The following ZNF385D variants were observed in gnomAD, a reference collection of about 807,000 sequenced individuals.
ZNF385D encodes the protein zinc finger protein 385D.
In ZNF385D, 15 loss-of-function variants were observed where a neutral mutation model predicts 35.8. The ratio of observed to expected loss-of-function variants is 0.42; its 90% confidence interval spans 0.28 to 0.64. The LOEUF is 0.64. Ranked by LOEUF, ZNF385D falls within the 30% of genes least tolerant of loss-of-function variation. The probability of loss-of-function intolerance (pLI) is 0.23; values close to 1 mark genes in which losing one functional copy is unlikely to be tolerated. For missense variants in ZNF385D, 474 were observed against 494.6 expected (o/e 0.96, Z 0.39); for synonymous variants, 212 against 186.8 (o/e 1.13, Z -1.10).
At chr3:22,009,281 T>G (rs912591989) in intron 3 of ZNF385D, among the ~76,000 whole-genome samples, 2 of 151,700 alleles carry the variant, frequency 1.3e-5, no homozygotes, top group Non-Finnish European at 2.9e-5. Flanking sequence ...GGAGAATAAA[T>G]TGTGGTATAG....
chr3:21,977,614 C>G (rs1703713838), intron 3 of ZNF385D, among the ~76,000 whole-genome samples: 1 of 151,868 alleles, frequency 6.6e-6, no homozygotes, highest in Non-Finnish European at 1.5e-5. Flanking sequence ...AGGACAGGAG[C>G]TAGAGATGAT....
chr3:21,996,816 A>T (rs975776545), intron 3 of ZNF385D, among the ~76,000 whole-genome samples: 4 of 152,186 alleles, frequency 2.6e-5, no homozygotes, highest in African/African-American at 9.7e-5. Context: ...GGTAAGGAGG[A>T]TTAGCACATT....
At chr3:22,267,817 T>A (rs1559488876) in intron 2 of ZNF385D, among the ~76,000 whole-genome samples, 1 of 151,952 alleles carries the variant, frequency 6.6e-6, no homozygotes, top group Non-Finnish European at 1.5e-5. Context: ...GTATTACCAA[T>A]ATACTCAATG....
chr3:21,612,923 C>A (rs1451235207), intron 2 of ZNF385D, among the ~76,000 whole-genome samples: 5 of 151,838 alleles, frequency 3.3e-5, no homozygotes, highest in Non-Finnish European at 7.4e-5. Flanking sequence ...CACACCCAAT[C>A]TTGAACCCAT....
chr3:21,540,354 A>G (rs996088933), intron 3 of ZNF385D, among the ~76,000 whole-genome samples: 1 of 152,194 alleles, frequency 6.6e-6, no homozygotes, highest in African/African-American at 2.4e-5. Flanking sequence ...ACCATCGACA[A>G]AAGCCTTGAA....
chr3:21,624,807 C>T lies in ZNF385D; in HGVS notation c.165+40079G>A, dbSNP rs768007952. Reference sequence around the variant, plus strand: ...CATCTTATTTCAACTGAAGTCACTCCGCAGCTGCCAAATGTTTTCCTGTTT... The same window carrying T: ...CATCTTATTTCAACTGAAGTCACTCTGCAGCTGCCAAATGTTTTCCTGTTT... On this transcript the variant is annotated intron_variant, in intron 2 of 7. Coordinates refer to ENST00000281523, the MANE Select transcript of ZNF385D (RefSeq NM_024697.3). Among the ~76,000 whole-genome samples, 74 of 152,056 alleles carry T rather than the reference C, an allele frequency of 4.9e-4. 1 individual carries two copies. Among genetic ancestry groups the T allele is most frequent in the Non-Finnish European group, 4.6e-4 (31 of 67,942 alleles).
chr3:21,995,652 C>G (rs375294371), intron 3 of ZNF385D, among the ~76,000 whole-genome samples: 3 of 151,724 alleles, frequency 2.0e-5, no homozygotes, highest in East Asian at 3.9e-4. Context: ...AAGTCCATCC[C>G]CATACCCCCA....
At chr3:21,656,339 T>C (rs990003376) in intron 2 of ZNF385D, among the ~76,000 whole-genome samples, 2 of 151,970 alleles carry the variant, frequency 1.3e-5, no homozygotes, top group Non-Finnish European at 2.9e-5. Context: ...TTCTGGAGGC[T>C]AGAAATCCAA....
chr3:21,974,650 G>C (rs1368951638), intron 3 of ZNF385D, among the ~76,000 whole-genome samples: 2 of 151,962 alleles, frequency 1.3e-5, no homozygotes, highest in Non-Finnish European at 2.9e-5. Context: ...CAGAATGGAA[G>C]TAAATATTTT....
intron 2 of ZNF385D, among the ~76,000 whole-genome samples, chr3:21,581,470 C>CAAAAGAGGTAGGGTGTTGTATTTAT (rs1410455512): frequency 1.3e-5 from 2 of 152,016 alleles, no homozygotes; most frequent in African/African-American, 4.8e-5. Context: ...ACCTAAATTG[C>CAAAAGAGGTAGGGTGTTGTATTTAT]AAAAGAGGTA....
chr3:21,421,058 C>T lies in ZNF385D; in HGVS notation c.*156G>A, dbSNP rs115192716. The T allele has an allele frequency of 4.1e-3, 1,118 of 272,364 alleles. 12 individuals carry two copies. The highest frequency in any genetic ancestry group is 0.024 in the African/African-American group (1,045 of 44,366). The allele number at this position is 272,364 out of a possible 1,614,324, so 16.9% of individuals were successfully genotyped here. ...CTCCCTCCCTCCCACCCCCAAACCT[C>T]CCCCACTTTTTTATAACCTTTTCAA... On this transcript the variant is annotated 3_prime_UTR_variant, in exon 8 of 8. Transcript: ENST00000281523.
At position 22,131,272 on chromosome 3, in the gene ZNF385D, C is replaced by G. The variant is rs539682252; in HGVS notation, c.325+37545G>C. The stretch of plus-strand genomic sequence containing the variant: ...ACAGTCCGGTAAGATGAGGACTGAG[C>G]TGACCTTTGGATTTAGCAGCATGAA... On this transcript the variant is annotated intron_variant, in intron 3 of 5. Transcript: ENST00000494108. Among the ~76,000 whole-genome samples, 549 of 152,074 alleles carry G rather than the reference C, an allele frequency of 3.6e-3. 2 individuals are homozygous for G. The highest frequency in any genetic ancestry group is 6.5e-3 in the Non-Finnish European group (442 of 67,990).
rs991565087 is a variant in ZNF385D, at chr3:21,751,189, C to A, written c.-273G>T. ...CCGACTCCTCCTTGCGATGTCCTTG[C>A]CGCGCCTGTGACATCAGGACTGAGA... On this transcript the variant is annotated 5_prime_UTR_variant, in exon 1 of 8. Coordinates refer to ENST00000281523, the MANE Select transcript of ZNF385D (RefSeq NM_024697.3). 1 of 1,375,630 alleles carries A rather than the reference C, an allele frequency of 7.3e-7. No individual in the cohort carries two copies. Among genetic ancestry groups the A allele is most frequent in the Non-Finnish European group, 9.4e-7 (1 of 1,062,856 alleles). 85.2% of individuals were successfully genotyped at this position (1,375,630 alleles called of 1,614,324 possible).
At chr3:22,146,858 T>A (rs1182934909) in intron 3 of ZNF385D, among the ~76,000 whole-genome samples, 1 of 152,186 alleles carries the variant, frequency 6.6e-6, no homozygotes, top group Non-Finnish European at 1.5e-5. Context: ...CCAATGTGTC[T>A]AAAATTTCTC....
At chr3:22,118,718 T>C (rs1702934809) in intron 3 of ZNF385D, among the ~76,000 whole-genome samples, 1 of 152,114 alleles carries the variant, frequency 6.6e-6, no homozygotes, top group South Asian at 2.1e-4. Flanking sequence ...TGAAGCCTGA[T>C]ATCCTTGATC....
At chr3:21,578,580 C>T (rs1490499708) in intron 2 of ZNF385D, among the ~76,000 whole-genome samples, 1 of 152,022 alleles carries the variant, frequency 6.6e-6, no homozygotes, top group Admixed American at 6.6e-5. Context: ...TATCATTTAT[C>T]TAAGAGACTG....
intron 2 of ZNF385D, among the ~76,000 whole-genome samples, chr3:22,365,875 G>T (rs150079632): frequency 6.6e-6 from 1 of 152,140 alleles, no homozygotes; most frequent in African/African-American, 2.4e-5. Context: ...ATTTGCCAAA[G>T]GAAACTGTTA....
intron 2 of ZNF385D, among the ~76,000 whole-genome samples, chr3:22,279,749 G>A (rs553004753): frequency 4.6e-5 from 7 of 151,648 alleles, no homozygotes; most frequent in East Asian, 3.9e-4. Context: ...ATAAATATGC[G>A]TGTGCAAGTA....
chr3:22,159,778 GTCT>G (rs1705828435), intron 3 of ZNF385D, among the ~76,000 whole-genome samples: 1 of 152,050 alleles, frequency 6.6e-6, no homozygotes, highest in Non-Finnish European at 1.5e-5. Flanking sequence ...AGAATACAGT[GTCT>G]TATTATATAT....
Sources: gnomAD v4.1 joint callset for allele counts (sites outside exome capture counted in the v4.1 genomes callset) on GRCh38, gnomAD v4.1.1 for gene constraint, MANE v1.5 for transcripts, NCBI Gene and HGNC (gene_info 2026-07-23, HGNC 2026-07-21) for gene names.